The following ANKRD36C variants were observed in gnomAD, a reference collection of about 807,000 sequenced individuals.
ANKRD36C encodes the protein ankyrin repeat domain 36C, also known as ankyrin repeat domain-containing protein 36C.
ANKRD36C carries 61 observed loss-of-function variants against 276.4 expected under a neutral mutation model. The ratio of observed to expected loss-of-function variants is 0.22; its 90% CI spans 0.18 to 0.27. ANKRD36C has a LOEUF of 0.27. Among genes scored for constraint, ANKRD36C ranks in the 10% least tolerant of loss-of-function variants. The pLI is 1.00. For synonymous variants in ANKRD36C, 483 were observed against 680.1 expected (o/e 0.71, Z 4.51); for missense variants, 1,447 against 2,032.3 (o/e 0.71, Z 5.54).
rs1277795179 is a variant in ANKRD36C, at chr2:95,888,016, A to C, written c.2989-19T>G. ...TTGTAGCCTGAATGGAATTTGAAAC[A>C]AAATAATGAATACATAAACTATGTT... On this transcript the variant is annotated intron_variant, in intron 49 of 66. Transcript: ENST00000456556. 6.3e-7 allele frequency: 1 copy of C among 1,599,540 alleles called. No individual in the cohort carries two copies. The highest frequency in any genetic ancestry group is 8.5e-7 in the Non-Finnish European group (1 of 1,173,200).
exon 50 of ANKRD36C, chr2:95,887,978 T>G (rs760057787): frequency 1.2e-6 from 2 of 1,600,208 alleles, no homozygotes; most frequent in Non-Finnish European, 1.7e-6. Context: ...CGAAACAGAA[T>G]CTTTCTTGTC....
chr2:95,908,978 G>C lies in ANKRD36C; in HGVS notation c.2653+3266C>G, dbSNP rs1473250331. Among the ~76,000 whole-genome samples the C allele has an allele frequency of 2.0e-5, 3 of 151,152 alleles. No individual in the cohort carries two copies. In the South Asian group the frequency reaches 6.3e-4, roughly 32 times the overall value. ...GTCAATATCAACGTGGATATGCCGA[G>C]TGATGAGGACAAAGTGATCTAAAAT... On this transcript the variant is annotated intron_variant, in intron 42 of 66. Transcript: ENST00000456556.
intron 42 of ANKRD36C, 88 bp downstream of exon 44, chr2:95,912,156 G>A: frequency 6.7e-7 from 1 of 1,503,590 alleles, no homozygotes; most frequent in Non-Finnish European, 9.0e-7. Flanking sequence ...AGAATGTGCA[G>A]CTTCGACCAG....
chr2:95,952,704 A>T (rs1449683275), intron 14 of ANKRD36C, among the ~76,000 whole-genome samples: 5 of 152,028 alleles, frequency 3.3e-5, no homozygotes, highest in African/African-American at 1.2e-4. Flanking sequence ...TCAACATTAG[A>T]AAAAAAGATA....
intron 50 of ANKRD36C, among the ~76,000 whole-genome samples, 199 bp downstream of exon 70, chr2:95,887,726 A>T (rs1676233721): frequency 6.6e-6 from 1 of 151,748 alleles, no homozygotes; most frequent in African/African-American, 2.4e-5. Context: ...GATGTGGGGA[A>T]GTCTATAATC....
intron 59 of ANKRD36C, chr2:95,875,938 T>C (rs1168736098): frequency 7.2e-6 from 3 of 416,352 alleles, no homozygotes; most frequent in Admixed American, 2.7e-5. Flanking sequence ...GTTGGGTTGA[T>C]TTTATGACCT....
chr2:95,858,832 T>C (rs1352832379), intron 61 of ANKRD36C, among the ~76,000 whole-genome samples: 1 of 152,160 alleles, frequency 6.6e-6, no homozygotes, highest in African/African-American at 2.4e-5. Context: ...CTGATTAGTA[T>C]GTACTTTATA....
intron 6 of ANKRD36C, among the ~76,000 whole-genome samples, chr2:95,969,784 A>G (rs1389730566): frequency 6.6e-6 from 1 of 152,200 alleles, no homozygotes; most frequent in Non-Finnish European, 1.5e-5. Flanking sequence ...GGGTGACTAT[A>G]GTACATGATA....
At chr2:95,901,862 C>T (rs1676662640) in intron 42 of ANKRD36C, among the ~76,000 whole-genome samples, 1 of 145,304 alleles carries the variant, frequency 6.9e-6, no homozygotes, top group South Asian at 2.2e-4. Flanking sequence ...TTCATCCACT[C>T]TTGGCACCAA....
At chr2:95,857,242 C>G in intron 62 of ANKRD36C, 67 bp downstream of exon 82, 3 of 1,557,720 alleles carry the variant, frequency 1.9e-6, no homozygotes, top group Non-Finnish European at 1.7e-6. Context: ...GTACATTAAA[C>G]AAAAGAGATG....
rs910010557 is a variant in ANKRD36C, at chr2:95,954,118, G to C, written c.1137-113C>G. 11 of 1,268,860 alleles carry C rather than the reference G, an allele frequency of 8.7e-6. No homozygotes were observed. In the African/African-American group the frequency reaches 1.7e-4, roughly 19 times the overall value. 78.6% of individuals were successfully genotyped at this position (1,268,860 alleles called of 1,614,324 possible). A position where few individuals can be genotyped will look rare whatever the true frequency, so the allele number is the denominator to read the frequency against. On this transcript the variant is annotated intron_variant, in intron 13 of 66. Transcript: ENST00000456556. ...CCAAAAAAATGGTAAAACAAAGTCTGAGGAAACTCAGTTATCTGCATATTA... is the reference window on the plus strand; with the variant it reads ...CCAAAAAAATGGTAAAACAAAGTCTCAGGAAACTCAGTTATCTGCATATTA...
At chr2:95,852,056 A>C (rs1294890796) in intron 65 of ANKRD36C, 70 bp downstream of exon 85, 1 of 1,480,270 alleles carries the variant, frequency 6.8e-7, no homozygotes, top group African/African-American at 1.4e-5. Context: ...AACTGATACA[A>C]TTTTCATACT....
Position 95,855,750 on chromosome 2 carries a change from T to G in ANKRD36C, c.4511A>C (p.Glu1504Ala), listed in dbSNP as rs539818658. Reference sequence around the variant, plus strand: ...AATCAGAACATGAGAATTCAAATTTTCCTGTAAATGACAACATTTATCTAC... The same window carrying G: ...AATCAGAACATGAGAATTCAAATTTGCCTGTAAATGACAACATTTATCTAC... The change falls in exon 63 of 67, where the codon GAA (glutamate) becomes GCA (alanine). Residue 1504 changes from glutamate (E) to alanine (A), a missense_variant. Physicochemically the swap from Glu to Ala is moderately radical, Grantham distance 107. Around this residue, in one of 13 missense-constraint regions of ANKRD36C, gnomAD observed 437 missense variants for 641.0 expected, o/e 0.68. Transcript: ENST00000456556. The G allele has an allele frequency of 3.4e-4, 556 of 1,613,798 alleles. 2 individuals carry two copies. The highest frequency in any genetic ancestry group is 1.4e-3 in the South Asian group (127 of 91,078).
intron 60 of ANKRD36C, among the ~76,000 whole-genome samples, chr2:95,867,214 C>T (rs572163975): frequency 3.2e-4 from 49 of 152,306 alleles, no homozygotes; most frequent in Non-Finnish European, 5.9e-4. Context: ...AGTAAACAAA[C>T]ACACTGTGTG....
chr2:95,946,156 G>GAAAAAAAAA (rs56964568), intron 17 of ANKRD36C, among the ~76,000 whole-genome samples: 86 of 73,300 alleles, frequency 1.2e-3, no homozygotes, highest in South Asian at 1.5e-3. Flanking sequence ...ACAGAGAGAG[G>GAAAAAAAAA]AAAAAAAAAA....
chr2:95,959,767 C>T (rs997267505), intron 10 of ANKRD36C, among the ~76,000 whole-genome samples: 2 of 152,196 alleles, frequency 1.3e-5, no homozygotes, highest in Non-Finnish European at 2.9e-5. Context: ...ATTTGACTAA[C>T]TGATAACAAC....
In ANKRD36C at chr2:95,986,946, A is replaced by T. The variant is rs779439110; in HGVS notation, c.313-22T>A. 9.9e-6 allele frequency: 16 copies of T among 1,613,310 alleles called. No individual in the cohort carries two copies. In the South Asian group the frequency reaches 1.8e-4, roughly 18 times the overall value. ...CAGCCTGTCAGTATTAGACCGAGAA[A>T]CATGCAAATATTGAAAAATCAAAAT... On this transcript the variant is annotated intron_variant, in intron 2 of 66. Transcript: ENST00000456556.
chr2:95,907,381 G>A (rs1478876469), intron 42 of ANKRD36C: 1 of 55,918 alleles, frequency 1.8e-5, no homozygotes, highest in Admixed American at 2.1e-4. Context: ...ATACCTAGTA[G>A]ATAATATTCA....
At chr2:95,917,730 A>G in intron 36 of ANKRD36C, 125 bp downstream of exon 38, 1 of 1,265,026 alleles carries the variant, frequency 7.9e-7, no homozygotes, top group Non-Finnish European at 1.1e-6. Context: ...GACTCTCAGG[A>G]CTGCTGGATC....
Sources: allele counts gnomAD v4.1 joint callset (sites outside exome capture counted in the v4.1 genomes callset), GRCh38; gene constraint gnomAD v4.1.1; regional missense constraint gnomAD v4.1.1; transcripts MANE v1.5; gene names NCBI Gene and HGNC (gene_info 2026-07-23, HGNC 2026-07-21).